The following GRK2 variants were observed in gnomAD, a reference collection of about 807,000 sequenced individuals.
The protein encoded by GRK2 is G protein-coupled receptor kinase 2, also known as adrenergic beta receptor kinase 1.
Under a neutral mutation model 97.8 loss-of-function variants are expected in GRK2, and 23 were observed. The ratio of observed to expected loss-of-function variants is 0.24; its 90% CI spans 0.17 to 0.33. The LOEUF is 0.33. Ranked by LOEUF, GRK2 falls within the 10% of genes least tolerant of loss-of-function variation. The pLI is 1.00. For synonymous variants in GRK2, 425 were observed against 381.7 expected, an observed-to-expected ratio of 1.11 and a Z score of -1.32; for missense variants, 633 against 956.9, an observed-to-expected ratio of 0.66 and a Z score of 4.47.
chr11:67,279,730 A>T, intron 5 of GRK2, 30 bp downstream of exon 5: 1 of 1,613,512 alleles, frequency 6.2e-7, no homozygotes, highest in Non-Finnish European at 8.5e-7. Flanking sequence ...TCCCCAGGCA[A>T]GGTCACCTTG....
At chr11:67,285,238 CAGGCTG>C (rs1199575487) in intron 20 of GRK2, 42 bp from the exon 21 acceptor site, 3 of 1,609,324 alleles carry the variant, frequency 1.9e-6, no homozygotes, top group Non-Finnish European at 2.5e-6. Context: ...CCAGGCCAGG[CAGGCTG>C]GGGAGAGCCC....
intron 2 of GRK2, among the ~76,000 whole-genome samples, chr11:67,277,557 G>T (rs1860058299): frequency 6.6e-6 from 1 of 152,250 alleles, no homozygotes; most frequent in South Asian, 2.1e-4. Flanking sequence ...CCCGTGGTGG[G>T]GGTGGGGGCC....
chr11:67,267,382 T>G (rs1342630484), intron 1 of GRK2, among the ~76,000 whole-genome samples: 13 of 152,224 alleles, frequency 8.5e-5, no homozygotes, highest in African/African-American at 3.1e-4. Context: ...CGGACTCTTC[T>G]CCCACCCTCT....
rs1860164448 is a variant in GRK2 at position 67,282,059 on chromosome 11, GC to G, written c.957+111del. 13 of 1,451,642 alleles carry G rather than the reference GC, an allele frequency of 9.0e-6. No individual in the cohort carries two copies. The South Asian group carries it at 1.0e-4, about 11-fold the overall frequency. The allele number at this position is 1,451,642 out of a possible 1,614,324, so 89.9% of individuals were successfully genotyped here. On this transcript the variant is annotated intron_variant, in intron 11 of 20. Coordinates refer to ENST00000308595, the MANE Select transcript of GRK2 (RefSeq NM_001619.5). This position sits in a 1 kb window ranked among gnomAD's most constrained non-coding sequence, Gnocchi z 6.9. ...GGAGTGGGGCTCCTGGGACATGGCC[GC>G]CCCGTATCTTCCCATCTCCGCCCCT...
chr11:67,267,625 C>T (rs1859826077), intron 1 of GRK2, among the ~76,000 whole-genome samples: 1 of 152,218 alleles, frequency 6.6e-6, no homozygotes, highest in Non-Finnish European at 1.5e-5. Flanking sequence ...CCTTAGCTGC[C>T]GCCTCTGTAA....
intron 1 of GRK2, among the ~76,000 whole-genome samples, chr11:67,267,814 C>T (rs1056080743): frequency 7.9e-5 from 12 of 152,216 alleles, no homozygotes; most frequent in African/African-American, 1.2e-4. Context: ...TGGTTTTGTC[C>T]CTGTGGAACA....
intron 1 of GRK2, among the ~76,000 whole-genome samples, chr11:67,274,573 G>T (rs971002802): frequency 6.8e-5 from 9 of 131,984 alleles, no homozygotes; most frequent in Non-Finnish European, 1.4e-4. Context: ...CCACCTCCCA[G>T]GTGAGATGCA....
intron 16 of GRK2, 34 bp from the exon 17 acceptor site, chr11:67,283,820 C>T (rs763770428): frequency 1.4e-5 from 23 of 1,611,800 alleles, no homozygotes; most frequent in East Asian, 4.5e-5. Context: ...GCCCCACCCC[C>T]GAGCTAATGC....
At position 67,285,150 on chromosome 11, in the gene GRK2, A is replaced by C; in HGVS notation, c.1867A>C (p.Lys623Gln). The part of the protein sequence containing the change: ...QIKERKCLLL[K>Q]IRGGKQFILQ... ...CAAGGAGCGCAAGTGCCTGCTCCTC[A>C]AGATCCGCGGTGGGAAACAGTTCAT... The change falls in exon 20 of 21, where the codon AAG becomes CAG. Residue 623 changes from lysine (K) to glutamine (Q), a missense_variant. Coordinates refer to ENST00000308595, the MANE Select transcript of GRK2 (RefSeq NM_001619.5). 6.2e-7 allele frequency: 1 copy of C among 1,613,604 alleles called. No individual in the cohort carries two copies. The highest frequency in any genetic ancestry group is 8.5e-7 in the Non-Finnish European group (1 of 1,179,940).
intron 1 of GRK2, among the ~76,000 whole-genome samples, chr11:67,275,442 C>G (rs966025489): frequency 6.6e-6 from 1 of 152,214 alleles, no homozygotes; most frequent in East Asian, 1.9e-4. Flanking sequence ...ACCCTTCTCC[C>G]GGTCCCCGAC....
chr11:67,283,959 C>T lies in GRK2; in HGVS notation c.1491+10C>T. Reference sequence around the variant, plus strand: ...CACAAAAGGAATCAAGGTACTGGGCCTTGCCTGGCCTCTTGTACCTAGGCT... The same window carrying T: ...CACAAAAGGAATCAAGGTACTGGGCTTTGCCTGGCCTCTTGTACCTAGGCT... On this transcript the variant is annotated intron_variant, in intron 17 of 20. Transcript: ENST00000308595. 1.3e-6 allele frequency: 2 copies of T among 1,595,876 alleles called. No homozygotes were observed. The highest frequency in any genetic ancestry group is 1.7e-6 in the Non-Finnish European group (2 of 1,169,306).
Position 67,285,158 on chromosome 11 carries a change from C to A in GRK2, c.1875C>A (p.Arg625=), listed in dbSNP as rs150765709. 1 of 1,613,578 alleles carries A rather than the reference C, an allele frequency of 6.2e-7. No homozygotes were observed. The highest frequency in any genetic ancestry group is 8.5e-7 in the Non-Finnish European group (1 of 1,179,946). ...GCAAGTGCCTGCTCCTCAAGATCCG[C>A]GGTGGGAAACAGTTCATTTTGCAGT... ...KERKCLLLKI[R]GGKQFILQCD... Residue 625 remains arginine (R), a synonymous_variant, in exon 20 of 21, where the codon CGC becomes CGA. Coordinates refer to ENST00000308595, the MANE Select transcript of GRK2 (RefSeq NM_001619.5).
intron 2 of GRK2, among the ~76,000 whole-genome samples, chr11:67,278,728 C>T (rs1052143248): frequency 2.6e-5 from 4 of 152,212 alleles, no homozygotes; most frequent in Non-Finnish European, 5.9e-5. Context: ...CTAACCTTTT[C>T]CCCATGCTGC....
intron 1 of GRK2, among the ~76,000 whole-genome samples, chr11:67,271,175 G>A (rs1205849124): frequency 1.3e-5 from 2 of 152,146 alleles, no homozygotes; most frequent in Non-Finnish European, 2.9e-5. Flanking sequence ...CCTTCTTCCT[G>A]GGCCCCTTCC....
intron 1 of GRK2, 137 bp from the exon 2 acceptor site, chr11:67,277,135 G>T (rs977391317): frequency 1.4e-6 from 1 of 725,154 alleles, no homozygotes; most frequent in Non-Finnish European, 2.3e-6. Flanking sequence ...GCTGGGATAA[G>T]TGAGTAGGCC....
intron 5 of GRK2, 63 bp downstream of exon 5, chr11:67,279,763 T>C (rs1330662275): frequency 5.6e-6 from 9 of 1,612,786 alleles, no homozygotes; most frequent in Non-Finnish European, 6.8e-6. Context: ...TCAACAAGCC[T>C]GGTCAGCCAG....
In GRK2 at chr11:67,281,063, G is replaced by A; in HGVS notation, c.556-30G>A. 1.3e-6 allele frequency: 2 copies of A among 1,592,666 alleles called. No homozygotes were observed. Among genetic ancestry groups the A allele is most frequent in the South Asian group, 1.1e-5 (1 of 89,232 alleles). On this transcript the variant is annotated intron_variant, in intron 7 of 20. Transcript: ENST00000308595. The surrounding 1 kb of genome is among the most constrained non-coding windows in gnomAD (Gnocchi z 5.7). ...CCCCAGGGCTGGGCAGAGGCAGCCTGTGGTGACCGCAGCTGTCGCTGCCCC... is the reference window on the plus strand; with the variant it reads ...CCCCAGGGCTGGGCAGAGGCAGCCTATGGTGACCGCAGCTGTCGCTGCCCC...
chr11:67,277,503 C>CGACCCTGCGTGCCTCCTT (rs1860056954), intron 2 of GRK2, among the ~76,000 whole-genome samples, 155 bp downstream of exon 2: 1 of 152,262 alleles, frequency 6.6e-6, no homozygotes, highest in Non-Finnish European at 1.5e-5. Flanking sequence ...CAAGTCGCTG[C>CGACCCTGCGTGCCTCCTT]GACCCTGCGT....
rs1168107275 is a variant in GRK2, at chr11:67,279,906, A to G, written c.503+6A>G. 6.2e-7 allele frequency: 1 copy of G among 1,613,558 alleles called. No homozygotes were observed. Among genetic ancestry groups the G allele is most frequent in the Non-Finnish European group, 8.5e-7 (1 of 1,179,766 alleles). ...TTCCAGAAATTCATTGAGAGGTGAGAGCAGGGAAGTGTGGGAGAGGAAGGG... is the reference window on the plus strand; with the variant it reads ...TTCCAGAAATTCATTGAGAGGTGAGGGCAGGGAAGTGTGGGAGAGGAAGGG... On this transcript the variant is annotated splice_donor_region_variant and intron_variant, in intron 6 of 20. Transcript: ENST00000308595.
Sources: allele counts gnomAD v4.1 joint callset (sites outside exome capture counted in the v4.1 genomes callset), GRCh38; gene constraint gnomAD v4.1.1; non-coding constraint Gnocchi (gnomAD v3.1); transcripts MANE v1.5; gene names NCBI Gene and HGNC (gene_info 2026-07-23, HGNC 2026-07-21).